Variants in GABRA4 observed in about 807,000 individuals in gnomAD.
GABRA4 encodes gamma-aminobutyric acid receptor subunit alpha-4.
A neutral mutation model predicts 49.7 loss-of-function variants in GABRA4; 12 were observed. The observed-to-expected ratio is 0.24, with a 90% CI of 0.15 to 0.39. GABRA4 has a LOEUF of 0.39. Ranked by LOEUF, GABRA4 falls within the 10% of genes least tolerant of loss-of-function variation. The probability of loss-of-function intolerance (pLI) is 1.00; values close to 1 mark genes in which losing one functional copy is unlikely to be tolerated. For synonymous variants in GABRA4, 288 were observed against 240.2 expected (o/e 1.20, Z -1.84); for missense variants, 506 against 686.0 (o/e 0.74, Z 2.93).
chr4:46,963,838 G>A (rs1322709471), intron 8 of GABRA4, among the ~76,000 whole-genome samples: 6 of 151,744 alleles, frequency 4.0e-5, no homozygotes, highest in African/African-American at 1.5e-4. Flanking sequence ...CAACCACTAT[G>A]GAGAACAGTT....
chr4:46,959,930 T>C (rs1011324119), intron 8 of GABRA4, among the ~76,000 whole-genome samples: 2 of 151,020 alleles, frequency 1.3e-5, no homozygotes, highest in African/African-American at 2.4e-5. Flanking sequence ...TGTTAGTAGC[T>C]ACATGAGACA....
intron 7 of GABRA4, among the ~76,000 whole-genome samples, chr4:46,966,760 T>C (rs985915661): frequency 2.0e-5 from 3 of 151,802 alleles, no homozygotes; most frequent in Non-Finnish European, 4.4e-5. Context: ...TACACATCAT[T>C]TATAAAGATC....
chr4:46,960,801 C>T (rs1379006109), intron 8 of GABRA4, among the ~76,000 whole-genome samples: 1 of 151,312 alleles, frequency 6.6e-6, no homozygotes, highest in Non-Finnish European at 1.5e-5. Flanking sequence ...TAATAAGAGG[C>T]AAACTCAAGG....
In GABRA4 at chr4:46,924,829, C is replaced by T. The variant is rs937351324; in HGVS notation, c.*3396G>A. The stretch of plus-strand genomic sequence containing the variant: ...CTATGAGAATCAGAGAGTATTAAAA[C>T]TGAAAAGCTCTTAGATATTACATAA... On this transcript the variant is annotated 3_prime_UTR_variant, in exon 9 of 9. Coordinates refer to ENST00000264318, the MANE Select transcript of GABRA4 (RefSeq NM_000809.4). The T allele has an allele frequency of 6.6e-6, 1 of 151,954 alleles. No homozygotes were observed. Among genetic ancestry groups the T allele is most frequent in the African/African-American group, 2.4e-5 (1 of 41,418 alleles). The allele number at this position is 151,954 out of a possible 1,614,324, so 9.4% of individuals were successfully genotyped here. A position where few individuals can be genotyped will look rare whatever the true frequency, so the allele number is the denominator to read the frequency against.
intron 8 of GABRA4, among the ~76,000 whole-genome samples, chr4:46,962,823 T>C (rs1209998182): frequency 1.3e-5 from 2 of 151,804 alleles, no homozygotes; most frequent in African/African-American, 4.8e-5. Context: ...GCAAACCCAT[T>C]TTCAACACAG....
intron 8 of GABRA4, among the ~76,000 whole-genome samples, chr4:46,934,295 A>G (rs561283033): frequency 1.3e-5 from 2 of 152,312 alleles, no homozygotes; most frequent in Non-Finnish European, 2.9e-5. Context: ...TAAGCCACAC[A>G]TCTTATTTAA....
At position 46,965,070 on chromosome 4, in the gene GABRA4, T is replaced by C. The variant is rs756094245; in HGVS notation, c.1034A>G (p.Asn345Ser). ...CCTTTTGGCTTTTTCCATTTGAATA[T>C]TGGTGAAATAGTTGACAGCAGCAAA... ...IEFAAVNYFT[N>S]IQMEKAKRKT... Residue 345 changes from asparagine to serine, a missense_variant, in exon 8 of 9, where the codon AAT becomes AGT. By Grantham distance (46) the Asn-to-Ser change is conservative (BLOSUM62 1). Transcript: ENST00000264318. 2 of 1,611,972 alleles carry C rather than the reference T, an allele frequency of 1.2e-6. No individual in the cohort carries two copies. The highest frequency in any genetic ancestry group is 2.7e-5 in the African/African-American group (2 of 74,662).
chr4:46,951,702 T>C (rs1392532760), intron 8 of GABRA4, among the ~76,000 whole-genome samples: 2 of 151,962 alleles, frequency 1.3e-5, no homozygotes, highest in Non-Finnish European at 2.9e-5. Context: ...AATATTAATA[T>C]GTATAATAAA....
intron 2 of GABRA4, among the ~76,000 whole-genome samples, chr4:46,984,622 A>C (rs528124071): frequency 7.2e-5 from 11 of 152,098 alleles, no homozygotes; most frequent in Non-Finnish European, 1.6e-4. Flanking sequence ...AAATATGGGC[A>C]AACAATAAAA....
At chr4:46,966,689 C>G (rs575150179) in intron 7 of GABRA4, among the ~76,000 whole-genome samples, 1 of 151,840 alleles carries the variant, frequency 6.6e-6, no homozygotes, top group African/African-American at 2.4e-5. Flanking sequence ...GAAATTCGGT[C>G]TCTTCTAAAT....
At chr4:46,939,413 C>T (rs1192456053) in intron 8 of GABRA4, among the ~76,000 whole-genome samples, 1 of 152,022 alleles carries the variant, frequency 6.6e-6, no homozygotes, top group Non-Finnish European at 1.5e-5. Flanking sequence ...AATAACCTCA[C>T]ATAGTTCCTA....
intron 2 of GABRA4, among the ~76,000 whole-genome samples, chr4:46,987,723 C>A (rs1723591529): frequency 6.6e-6 from 1 of 152,070 alleles, no homozygotes; most frequent in Admixed American, 6.6e-5. Flanking sequence ...CAACCATCAA[C>A]TTAAGAGAAC....
chr4:46,967,966 A>T (rs1324683781), intron 7 of GABRA4, among the ~76,000 whole-genome samples: 1 of 151,662 alleles, frequency 6.6e-6, no homozygotes, highest in Non-Finnish European at 1.5e-5. Flanking sequence ...ACTTAGAGGC[A>T]TACAGCTTTG....
At chr4:46,929,196 C>T (rs1230461534) in intron 8 of GABRA4, among the ~76,000 whole-genome samples, 1 of 151,876 alleles carries the variant, frequency 6.6e-6, no homozygotes, top group East Asian at 1.9e-4. Flanking sequence ...TATACCTAGT[C>T]ATGTACACAG....
chr4:46,992,916 C>G lies in GABRA4; in HGVS notation c.117G>C (p.Lys39Asn), dbSNP rs780945449. ...AATTTTCTGTGCACAATTTCTCCTCCTTTTGGTTCTGTCCTGGGGATTCGT... is the reference window on the plus strand; with the variant it reads ...AATTTTCTGTGCACAATTTCTCCTCGTTTTGGTTCTGTCCTGGGGATTCGT... ...CLNESPGQNQ[K>N]EEKLCTENFT... The change falls in exon 2 of 9, where the codon AAG becomes AAC. Residue 39 changes from lysine (K) to asparagine (N), a missense_variant. Coordinates refer to ENST00000264318, the MANE Select transcript of GABRA4 (RefSeq NM_000809.4). 5 of 1,607,832 alleles carry G rather than the reference C, an allele frequency of 3.1e-6. No homozygotes were observed. In the South Asian group the frequency reaches 5.5e-5, roughly 18 times the overall value.
chr4:46,932,146 T>C (rs145124771), intron 8 of GABRA4, among the ~76,000 whole-genome samples: 2 of 152,202 alleles, frequency 1.3e-5, no homozygotes, highest in African/African-American at 4.8e-5. Context: ...CCAGAACTCA[T>C]AGAGGACCTT....
rs1466693419 is a variant in GABRA4, at chr4:46,919,778, A to T, written c.*8447T>A. 1 of 151,704 alleles carries T rather than the reference A, an allele frequency of 6.6e-6. No individual in the cohort carries two copies. Among genetic ancestry groups the T allele is most frequent in the Admixed American group, 6.6e-5 (1 of 15,212 alleles). The allele number at this position is 151,704 out of a possible 1,614,324, so 9.4% of individuals were successfully genotyped here. A position where few individuals can be genotyped will look rare whatever the true frequency, so the allele number is the denominator to read the frequency against. ...TTTTCAACATTTTCAGAATCAAAGT[A>T]ATTATCAGGGGATTTCCTTCATTAA... On this transcript the variant is annotated 3_prime_UTR_variant, in exon 9 of 9. Coordinates refer to ENST00000264318, the MANE Select transcript of GABRA4 (RefSeq NM_000809.4).
chr4:46,965,339 A>G, intron 7 of GABRA4, 110 bp from the exon 8 acceptor site: 1 of 839,418 alleles, frequency 1.2e-6, no homozygotes. Context: ...GGTTAACAAA[A>G]CTACAATAAC....
intron 8 of GABRA4, among the ~76,000 whole-genome samples, chr4:46,945,678 A>G (rs1443002613): frequency 6.6e-6 from 1 of 152,138 alleles, no homozygotes; most frequent in African/African-American, 2.4e-5. Context: ...ATAAGACCCT[A>G]TAGGAGGAAA....
Sources: allele counts gnomAD v4.1 joint callset (sites outside exome capture counted in the v4.1 genomes callset), GRCh38; gene constraint gnomAD v4.1.1; transcripts MANE v1.5; gene names NCBI Gene and HGNC (gene_info 2026-07-23, HGNC 2026-07-21).